Variants in CDH18 observed in about 807,000 individuals in gnomAD.
CDH18 encodes cadherin-18.
CDH18 carries 31 observed loss-of-function variants against 67.9 expected under a neutral mutation model. The observed-to-expected ratio is 0.46, with a 90% CI of 0.34 to 0.62. CDH18 has a LOEUF of 0.62. Ranked by LOEUF, CDH18 falls within the 20% of genes least tolerant of loss-of-function variation. CDH18 has a pLI of 0.01. For synonymous variants in CDH18, 362 were observed against 347.2 expected (o/e 1.04, Z -0.48); for missense variants, 890 against 975.5 (o/e 0.91, Z 1.17).
chr5:20,351,146 C>T (rs868383538), intron 1 of CDH18, among the ~76,000 whole-genome samples: 1 of 143,834 alleles, frequency 7.0e-6, no homozygotes, highest in Non-Finnish European at 1.5e-5. Context: ...CTGCTCCAAA[C>T]ATAGTAAATG....
At chr5:20,323,822 T>C (rs907097666) in intron 1 of CDH18, among the ~76,000 whole-genome samples, 1 of 152,234 alleles carries the variant, frequency 6.6e-6, no homozygotes, top group African/African-American at 2.4e-5. Context: ...TTATAGGAAA[T>C]ATATAACACA....
intron 2 of CDH18, among the ~76,000 whole-genome samples, chr5:20,122,166 A>G (rs1748412555): frequency 6.6e-6 from 1 of 152,208 alleles, no homozygotes; most frequent in Non-Finnish European, 1.5e-5. Context: ...CTGGCCCACA[A>G]GTGCCTAGTT....
chr5:20,114,792 G>A (rs1747752044), intron 2 of CDH18, among the ~76,000 whole-genome samples: 1 of 152,046 alleles, frequency 6.6e-6, no homozygotes, highest in Admixed American at 6.6e-5. Context: ...CCCATTTCCT[G>A]CCCTCCCTCT....
At chr5:19,618,595 G>A (rs1750204298) in intron 5 of CDH18, among the ~76,000 whole-genome samples, 1 of 152,142 alleles carries the variant, frequency 6.6e-6, no homozygotes, top group African/African-American at 2.4e-5. Context: ...GACTCCCAGT[G>A]TTTCTCCAAT....
chr5:20,224,426 T>C (rs1741451082), intron 2 of CDH18, among the ~76,000 whole-genome samples: 1 of 152,082 alleles, frequency 6.6e-6, no homozygotes, highest in African/African-American at 2.4e-5. Flanking sequence ...ATTTTAGATT[T>C]TAAGCTAAAT....
chr5:20,190,895 A>C (rs1387865231), intron 2 of CDH18, among the ~76,000 whole-genome samples: 1 of 152,086 alleles, frequency 6.6e-6, no homozygotes, highest in Non-Finnish European at 1.5e-5. Context: ...ATAATCCTTT[A>C]TGATCTAAGA....
intron 5 of CDH18, among the ~76,000 whole-genome samples, chr5:19,720,073 T>C (rs1052800701): frequency 6.6e-6 from 1 of 152,056 alleles, no homozygotes; most frequent in Non-Finnish European, 1.5e-5. Flanking sequence ...CTTGTAAACA[T>C]GATAATGACA....
intron 5 of CDH18, among the ~76,000 whole-genome samples, chr5:19,620,954 G>T (rs1750593985): frequency 6.6e-6 from 1 of 152,140 alleles, no homozygotes; most frequent in Non-Finnish European, 1.5e-5. Flanking sequence ...GACTTACGAT[G>T]GAGTTGCATC....
intron 1 of CDH18, among the ~76,000 whole-genome samples, chr5:20,401,392 G>T (rs533011520): frequency 2.0e-5 from 3 of 152,146 alleles, no homozygotes; most frequent in African/African-American, 7.2e-5. Context: ...TTGAGAAAAT[G>T]GTTAAAAAGT....
chr5:20,443,937 G>A (rs1177204815), intron 1 of CDH18, among the ~76,000 whole-genome samples: 1 of 151,854 alleles, frequency 6.6e-6, no homozygotes, highest in African/African-American at 2.4e-5. Flanking sequence ...TTTTTACAAG[G>A]TAAAAATATA....
intron 1 of CDH18, among the ~76,000 whole-genome samples, chr5:20,344,032 C>T (rs1740498373): frequency 1.3e-5 from 2 of 152,104 alleles, no homozygotes; most frequent in Non-Finnish European, 2.9e-5. Flanking sequence ...GAAATAAAAC[C>T]TTGGTATTCT....
At chr5:20,055,621 C>A (rs1263925077) in intron 2 of CDH18, among the ~76,000 whole-genome samples, 1 of 152,222 alleles carries the variant, frequency 6.6e-6, no homozygotes, top group African/African-American at 2.4e-5. Context: ...ACTAACCCAA[C>A]AACTGGCTTT....
intron 4 of CDH18, among the ~76,000 whole-genome samples, chr5:19,726,481 T>G (rs1359743760): frequency 6.6e-6 from 1 of 152,088 alleles, no homozygotes; most frequent in Non-Finnish European, 1.5e-5. Context: ...GATTGCTGGT[T>G]GAAGGGAGCA....
At chr5:20,521,901 T>C (rs1025227742) in intron 1 of CDH18, among the ~76,000 whole-genome samples, 1 of 152,162 alleles carries the variant, frequency 6.6e-6, no homozygotes, top group Non-Finnish European at 1.5e-5. Flanking sequence ...AAAAACCCTC[T>C]TCGAATATTT....
chr5:20,335,497 C>T (rs1308036203), intron 1 of CDH18, among the ~76,000 whole-genome samples: 1 of 152,040 alleles, frequency 6.6e-6, no homozygotes, highest in Non-Finnish European at 1.5e-5. Context: ...CCCACCTTGC[C>T]CTCCCAAAAC....
At chr5:20,327,995 A>C (rs180996526) in intron 1 of CDH18, among the ~76,000 whole-genome samples, 1 of 152,332 alleles carries the variant, frequency 6.6e-6, no homozygotes, top group East Asian at 1.9e-4. Flanking sequence ...CTGGCAAAGG[A>C]AACAAATGCA....
intron 2 of CDH18, among the ~76,000 whole-genome samples, chr5:20,011,910 G>C (rs1309112041): frequency 6.6e-6 from 1 of 151,986 alleles, no homozygotes; most frequent in African/African-American, 2.4e-5. Context: ...TTTCTGTGTT[G>C]TATTTCTGCC....
At chr5:20,050,422 GT>G (rs938707057) in intron 2 of CDH18, among the ~76,000 whole-genome samples, 11 of 151,782 alleles carry the variant, frequency 7.2e-5, no homozygotes, top group African/African-American at 2.4e-4. Flanking sequence ...TGAATGGACA[GT>G]TACAATCATC....
intron 1 of CDH18, among the ~76,000 whole-genome samples, chr5:20,310,246 A>G (rs529270568): frequency 1.3e-5 from 2 of 152,314 alleles, no homozygotes; most frequent in African/African-American, 4.8e-5. Flanking sequence ...ATTTCTAAAA[A>G]CAAACCAGGT....
Sources: gnomAD v4.1 joint callset for allele counts (sites outside exome capture counted in the v4.1 genomes callset) on GRCh38, gnomAD v4.1.1 for gene constraint, MANE v1.5 for transcripts, NCBI Gene and HGNC (gene_info 2026-07-23, HGNC 2026-07-21) for gene names.